SERPINB12: variants seen among roughly 807,000 people sequenced by gnomAD.
The protein encoded by SERPINB12 is serpin B12.
A neutral mutation model predicts 41.1 loss-of-function variants in SERPINB12; 57 were observed. The observed-to-expected ratio is 1.39, with a 90% CI of 1.12 to 1.73. The LOEUF is 1.73. Ranked by LOEUF, SERPINB12 falls within the 40% of genes most tolerant of loss-of-function variation. The probability of loss-of-function intolerance (pLI) is 0.00; values close to 1 mark genes in which losing one functional copy is unlikely to be tolerated. For missense variants in SERPINB12, 536 were observed against 501.9 expected, an observed-to-expected ratio of 1.07 and a Z score of -0.65; for synonymous variants, 180 against 181.3, an observed-to-expected ratio of 0.99 and a Z score of 0.06.
chr18:63,544,904 TTTC>T (rs1203431605), intron 1 of SERPINB12, among the ~76,000 whole-genome samples: 4 of 152,198 alleles, frequency 2.6e-5, no homozygotes, highest in Non-Finnish European at 4.4e-5. Flanking sequence ...ATAAACATGT[TTTC>T]TTTTCTCAAT....
In SERPINB12 at chr18:63,567,834, C is replaced by A. The variant is rs1911163465; in HGVS notation, c.*823C>A. ...TGGCTAGCTCCTTTTATGCACCCAG[C>A]ACAGGCAGGTGTCAAGAGAAGTGCT... On this transcript the variant is annotated 3_prime_UTR_variant, in exon 8 of 8. Coordinates refer to ENST00000382768, the MANE Select transcript of SERPINB12 (RefSeq NM_001307928.2). Among the ~76,000 whole-genome samples, 1 of 152,254 alleles carries A rather than the reference C, an allele frequency of 6.6e-6. No individual in the cohort carries two copies. Among genetic ancestry groups the A allele is most frequent in the Admixed American group, 6.5e-5 (1 of 15,290 alleles).
chr18:63,523,261 A>C, the SERPINB12 span, among the ~76,000 whole-genome samples: 5 of 152,360 alleles, frequency 3.3e-5, no homozygotes, highest in African/African-American at 1.2e-4. Flanking sequence ...AAATATAGAC[A>C]GTCACATGGC....
At chr18:63,554,559 A>G (rs984829820) in intron 1 of SERPINB12, among the ~76,000 whole-genome samples, 2 of 152,202 alleles carry the variant, frequency 1.3e-5, no homozygotes, top group Non-Finnish European at 1.5e-5. Flanking sequence ...TCTATCTTGG[A>G]AATACACAAT....
chr18:63,532,603 C>T, the SERPINB12 span, among the ~76,000 whole-genome samples: 5 of 152,098 alleles, frequency 3.3e-5, no homozygotes, highest in African/African-American at 4.8e-5. Context: ...ACCTACTCTA[C>T]GGTTTTGTCT....
chr18:63,552,177 ACT>A, intron 1 of SERPINB12, among the ~76,000 whole-genome samples: 1 of 152,094 alleles, frequency 6.6e-6, no homozygotes, highest in Non-Finnish European at 1.5e-5. Context: ...GTTGCTTGAT[ACT>A]CTCTGGGAGG....
At chr18:63,520,318 C>T in the SERPINB12 span, among the ~76,000 whole-genome samples, 1,264 of 152,074 alleles carry the variant, frequency 8.3e-3, 17 homozygotes, top group African/African-American at 0.029. Context: ...AGGATGATGA[C>T]GATTTCTCAG....
chr18:63,524,803 G>T, the SERPINB12 span, among the ~76,000 whole-genome samples: 1 of 147,302 alleles, frequency 6.8e-6, no homozygotes, highest in African/African-American at 2.5e-5. Flanking sequence ...AGGCTGGAGT[G>T]CAGCGGCATG....
chr18:63,567,247 C>A lies in SERPINB12; in HGVS notation c.*236C>A, dbSNP rs1160463240. On this transcript the variant is annotated 3_prime_UTR_variant, in exon 8 of 8. Coordinates refer to ENST00000382768, the MANE Select transcript of SERPINB12 (RefSeq NM_001307928.2). ...TAAACTTTCAAGCATATAAATTCAC[C>A]CTCTGTGACCTGAAGGTCAACACAA... 1.3e-5 allele frequency among the ~76,000 whole-genome samples: 2 copies of A among 152,108 alleles called. No individual in the cohort carries two copies. Among genetic ancestry groups the A allele is most frequent in the Non-Finnish European group, 2.9e-5 (2 of 68,028 alleles).
At chr18:63,525,585 G>C in the SERPINB12 span, among the ~76,000 whole-genome samples, 1 of 152,038 alleles carries the variant, frequency 6.6e-6, no homozygotes, top group Admixed American at 6.5e-5. Context: ...AAATGACCCA[G>C]ACACTTAACG....
At chr18:63,565,759 A>G in intron 7 of SERPINB12, 147 bp downstream of exon 7, 3 of 614,678 alleles carry the variant, frequency 4.9e-6, no homozygotes, top group Non-Finnish European at 7.6e-6. Context: ...ATTAGATTAG[A>G]TATTTATTCC....
rs762311356 is a variant in SERPINB12, at chr18:63,567,181, A to T, written c.*170A>T. Among the ~76,000 whole-genome samples the T allele has an allele frequency of 1.3e-5, 2 of 152,076 alleles. No individual in the cohort carries two copies. The highest frequency in any genetic ancestry group is 2.9e-5 in the Non-Finnish European group (2 of 68,010). On this transcript the variant is annotated 3_prime_UTR_variant, in exon 8 of 8. Transcript: ENST00000382768. ...TTCTGTCACCCTGTAGCTTATTTTC[A>T]TCTGAGTCTGTTAGTATTGAAGGGC...
chr18:63,545,137 A>G (rs1274025670), intron 1 of SERPINB12, among the ~76,000 whole-genome samples: 1 of 152,178 alleles, frequency 6.6e-6, no homozygotes, highest in Non-Finnish European at 1.5e-5. Flanking sequence ...CTGAGTTGTA[A>G]CATACCTAGG....
At chr18:63,549,874 T>C (rs922681734) in intron 1 of SERPINB12, among the ~76,000 whole-genome samples, 1 of 152,206 alleles carries the variant, frequency 6.6e-6, no homozygotes, top group Non-Finnish European at 1.5e-5. Context: ...ACAAGTGTTA[T>C]CTGCTCCAGA....
the SERPINB12 span, among the ~76,000 whole-genome samples, chr18:63,536,581 T>G: frequency 6.6e-6 from 1 of 152,124 alleles, no homozygotes; most frequent in Non-Finnish European, 1.5e-5. Context: ...CTTTTTTCTA[T>G]TCTCATGAAA....
intron 1 of SERPINB12, among the ~76,000 whole-genome samples, chr18:63,550,189 T>C (rs1349271259): frequency 1.3e-5 from 2 of 152,200 alleles, no homozygotes; most frequent in Admixed American, 1.3e-4. Flanking sequence ...AAAATAATGA[T>C]GACTGAAGTA....
the SERPINB12 span, among the ~76,000 whole-genome samples, chr18:63,528,990 T>C: frequency 3.3e-5 from 5 of 152,024 alleles, no homozygotes; most frequent in African/African-American, 9.7e-5. Flanking sequence ...TGGAAGTAGA[T>C]AGTGCAAAGG....
intron 2 of SERPINB12, among the ~76,000 whole-genome samples, chr18:63,557,881 T>C (rs1198944391): frequency 6.6e-6 from 1 of 152,226 alleles, no homozygotes; most frequent in Non-Finnish European, 1.5e-5. Flanking sequence ...GTAACTGTAT[T>C]GCAAAAGTAA....
At chr18:63,525,837 A>C in the SERPINB12 span, among the ~76,000 whole-genome samples, 1 of 152,234 alleles carries the variant, frequency 6.6e-6, no homozygotes, top group South Asian at 2.1e-4. Flanking sequence ...AGAACTTTAA[A>C]GTAAATATGT....
rs1041503520 is a variant in SERPINB12, at chr18:63,561,311, T to G, written c.562+109T>G. On this transcript the variant is annotated intron_variant, in intron 5 of 7. Coordinates refer to ENST00000382768, the MANE Select transcript of SERPINB12 (RefSeq NM_001307928.2). ...CTACTGGGGGCCAGAGGTTCACATATGTGGACTGTGTTCAAAGCATGGTTT... is the reference window on the plus strand; with the variant it reads ...CTACTGGGGGCCAGAGGTTCACATAGGTGGACTGTGTTCAAAGCATGGTTT... The G allele has an allele frequency of 6.0e-6, 4 of 668,950 alleles. No homozygotes were observed. The Admixed American group carries it at 7.6e-5, about 13-fold the overall frequency. The allele number at this position is 668,950 out of a possible 1,614,324, so 41.4% of individuals were successfully genotyped here. A position where few individuals can be genotyped will look rare whatever the true frequency, so the allele number is the denominator to read the frequency against.
Sources: gnomAD v4.1 joint callset for allele counts (sites outside exome capture counted in the v4.1 genomes callset) on GRCh38, gnomAD v4.1.1 for gene constraint, MANE v1.5 for transcripts, NCBI Gene and HGNC (gene_info 2026-07-23, HGNC 2026-07-21) for gene names.